DNAH11: variants seen among roughly 807,000 people sequenced by gnomAD.
The protein encoded by DNAH11 is axonemal beta dynein heavy chain 11.
DNAH11 carries 442 observed loss-of-function variants against 526.0 expected under a neutral mutation model. The observed-to-expected ratio is 0.84, with a 90% confidence interval of 0.78 to 0.91. The LOEUF (loss-of-function observed/expected upper bound fraction) is 0.91. Ranked by LOEUF, DNAH11 falls within the 40% of genes least tolerant of loss-of-function variation. The pLI, the probability that DNAH11 is intolerant of heterozygous loss-of-function variation, is 0.00. For synonymous variants in DNAH11, 2,461 were observed against 1,935.9 expected (o/e 1.27, Z -7.12); for missense variants, 6,989 against 5,448.7 (o/e 1.28, Z -8.90).
At chr7:21,826,777 G>GA (rs1790317537) in intron 65 of DNAH11, among the ~76,000 whole-genome samples, 1 of 152,168 alleles carries the variant, frequency 6.6e-6, no homozygotes, top group Non-Finnish European at 1.5e-5. Context: ...ACTCAGGTGG[G>GA]ATAACACCAT....
chr7:21,707,863 ATT>A, intron 40 of DNAH11, 28 bp downstream of exon 40: 2 of 1,473,548 alleles, frequency 1.4e-6, no homozygotes, highest in East Asian at 2.4e-5. Context: ...GAAGTGCTCA[ATT>A]TTTTTTTTCT....
chr7:21,649,741 C>T (rs186836779), intron 28 of DNAH11, among the ~76,000 whole-genome samples: 13 of 151,336 alleles, frequency 8.6e-5, no homozygotes, highest in Non-Finnish European at 1.5e-4. Flanking sequence ...TCTGGACTCA[C>T]TGCAACCTCC....
chr7:21,649,735 G>T (rs1485979941), intron 28 of DNAH11, among the ~76,000 whole-genome samples: 3 of 151,294 alleles, frequency 2.0e-5, no homozygotes, highest in Non-Finnish European at 4.4e-5. Flanking sequence ...GTGCAATCTG[G>T]ACTCACTGCA....
intron 65 of DNAH11, among the ~76,000 whole-genome samples, chr7:21,819,930 T>C (rs1789983474): frequency 6.6e-6 from 1 of 152,200 alleles, no homozygotes; most frequent in Non-Finnish European, 1.5e-5. Context: ...TTCTTGCATT[T>C]CTTTTAAGGC....
chr7:21,627,372 A>G (rs1000397493), intron 25 of DNAH11, among the ~76,000 whole-genome samples: 18 of 152,168 alleles, frequency 1.2e-4, no homozygotes, highest in African/African-American at 4.1e-4. Flanking sequence ...GTCCTGGAGC[A>G]TTTCTCCAGT....
intron 20 of DNAH11, among the ~76,000 whole-genome samples, chr7:21,612,244 C>CA (rs969615863): frequency 3.9e-5 from 6 of 151,906 alleles, no homozygotes; most frequent in South Asian, 2.1e-4. Context: ...AGTTAAAAAA[C>CA]AAAAAAATTT....
chr7:21,686,904 A>G (rs892503052), intron 32 of DNAH11, among the ~76,000 whole-genome samples, 195 bp from the exon 33 acceptor site: 5 of 152,244 alleles, frequency 3.3e-5, no homozygotes, highest in Non-Finnish European at 7.3e-5. Context: ...GTATTTTTAG[A>G]CAGCTAGCCT....
At chr7:21,572,057 G>A in intron 8 of DNAH11, 84 bp downstream of exon 8, 1 of 1,194,142 alleles carries the variant, frequency 8.4e-7, no homozygotes, top group Non-Finnish European at 1.1e-6. Flanking sequence ...GTGATAATAG[G>A]GACCATCCAT....
At chr7:21,803,409 G>A (rs1477827139) in intron 62 of DNAH11, among the ~76,000 whole-genome samples, 1 of 152,118 alleles carries the variant, frequency 6.6e-6, no homozygotes, top group Non-Finnish European at 1.5e-5. Flanking sequence ...TTTGCCTCAT[G>A]GTCTCAAGAT....
intron 61 of DNAH11, among the ~76,000 whole-genome samples, chr7:21,793,101 T>G (rs1469091063): frequency 6.6e-6 from 1 of 152,222 alleles, no homozygotes; most frequent in Non-Finnish European, 1.5e-5. Flanking sequence ...TCAAAATATT[T>G]TTAAATTTCC....
intron 8 of DNAH11, among the ~76,000 whole-genome samples, chr7:21,576,349 C>T (rs73066492): frequency 0.15 from 23,454 of 152,172 alleles, 2,426 homozygotes; most frequent in East Asian, 0.5. Context: ...GCAGGAAGCC[C>T]AGAAAGGAAG....
At chr7:21,804,081 TTTTTTG>T (rs1789131500) in intron 62 of DNAH11, among the ~76,000 whole-genome samples, 1 of 113,388 alleles carries the variant, frequency 8.8e-6, no homozygotes, top group South Asian at 3.2e-4. Context: ...TGTAGTAGTT[TTTTTTG>T]TTTTGTTTTG....
chr7:21,814,620 G>T (rs905783016), intron 63 of DNAH11, among the ~76,000 whole-genome samples: 2 of 148,756 alleles, frequency 1.3e-5, no homozygotes, highest in African/African-American at 5.0e-5. Context: ...GCGGTGTTTG[G>T]TTTTTTCACA....
chr7:21,570,548 T>G, intron 7 of DNAH11: 1 of 324,964 alleles, frequency 3.1e-6, no homozygotes, highest in Non-Finnish European at 5.6e-6. Context: ...AATCTCTTTA[T>G]GTATCAGTGA....
At chr7:21,846,955 C>G (rs750692798) in intron 66 of DNAH11, among the ~76,000 whole-genome samples, 1 of 152,090 alleles carries the variant, frequency 6.6e-6, no homozygotes, top group Non-Finnish European at 1.5e-5. Flanking sequence ...TTCACTTCAT[C>G]TAAGTTATCA....
intron 66 of DNAH11, chr7:21,851,234 A>C: frequency 4.5e-6 from 1 of 221,462 alleles, no homozygotes; most frequent in Non-Finnish European, 9.2e-6. Flanking sequence ...TGATGGTTTT[A>C]TAAGGGGCTT....
At chr7:21,898,656 C>G (rs1784618647) in intron 79 of DNAH11, among the ~76,000 whole-genome samples, 1 of 152,166 alleles carries the variant, frequency 6.6e-6, no homozygotes, top group Admixed American at 6.5e-5. Flanking sequence ...TCATCTGTCC[C>G]TAGCCTCTGT....
chr7:21,778,875 TG>T, intron 56 of DNAH11, 82 bp from the exon 57 acceptor site: 1 of 1,508,578 alleles, frequency 6.6e-7, no homozygotes, highest in East Asian at 2.3e-5. Context: ...TAGAGATCCC[TG>T]AATTCATTCC....
In DNAH11 at chr7:21,866,604, A is replaced by T. The variant is rs746128570; in HGVS notation, c.11631A>T (p.Leu3877Phe). The T allele has an allele frequency of 6.2e-7, 1 of 1,613,972 alleles. No homozygotes were observed. Among genetic ancestry groups the T allele is most frequent in the East Asian group, 2.2e-5 (1 of 44,874 alleles). ...KLPQEWKKKS[L>F]IQKLILLRAM... is the part of the protein sequence containing the mutation. ...CTCAAGAATGGAAGAAGAAAAGTTT[A>T]ATACAGAAGCTGATTCTTCTGAGAG... Residue 3877 changes from leucine to phenylalanine, a missense_variant, in exon 71 of 82, where the codon TTA (leucine) becomes TTT (phenylalanine). Leu to Phe is a conservative substitution (Grantham distance 22). Transcript: ENST00000409508.
Sources: allele counts gnomAD v4.1 joint callset (sites outside exome capture counted in the v4.1 genomes callset), GRCh38; gene constraint gnomAD v4.1.1; transcripts MANE v1.5; gene names NCBI Gene and HGNC (gene_info 2026-07-23, HGNC 2026-07-21).